The following GRHL3 variants were observed in gnomAD, a reference collection of about 807,000 sequenced individuals.
The protein encoded by GRHL3 is grainyhead like transcription factor 3.
In GRHL3, 20 loss-of-function variants were observed where a neutral mutation model predicts 70.3. The ratio of observed to expected loss-of-function variants is 0.28; its 90% confidence interval spans 0.20 to 0.41. The LOEUF is 0.41. GRHL3 is among the 10% of genes least tolerant of loss of function. GRHL3 has a pLI of 1.00. For synonymous variants in GRHL3, 299 were observed against 299.9 expected (o/e 1.00, Z 0.03); for missense variants, 637 against 762.3 (o/e 0.84, Z 1.94).
Position 24,336,668 on chromosome 1 carries a change from C to T in GRHL3, c.453C>T (p.Gly151=), listed in dbSNP as rs757817057. 1 of 1,614,154 alleles carries T rather than the reference C, an allele frequency of 6.2e-7. No individual in the cohort carries two copies. Among genetic ancestry groups the T allele is most frequent in the Non-Finnish European group, 8.5e-7 (1 of 1,180,012 alleles). The change falls in exon 4 of 16, where the codon GGC becomes GGT. Residue 151 remains glycine, a synonymous_variant. Coordinates refer to ENST00000361548, the MANE Select transcript of GRHL3 (RefSeq NM_198173.3). ...GCAAGGCAGCTCCCCTCCCTGCAGG[C>T]CCCAGCAAGCTGGAGGCCGGCTCTG... ...TPGKAAPLPA[G]PSKLEAGSVD... is the part of the protein sequence containing the mutation.
At chr1:24,325,647 C>T (rs1639361356) in intron 1 of GRHL3, among the ~76,000 whole-genome samples, 1 of 152,188 alleles carries the variant, frequency 6.6e-6, no homozygotes, top group Non-Finnish European at 1.5e-5. Context: ...ATGTTGGAGC[C>T]ATGAAGGCTG....
At chr1:24,329,179 A>G (rs916449281) in intron 1 of GRHL3, among the ~76,000 whole-genome samples, 5 of 151,714 alleles carry the variant, frequency 3.3e-5, no homozygotes, top group African/African-American at 4.8e-5. Flanking sequence ...TGACAGCTCC[A>G]CCTCCCTTCC....
chr1:24,330,069 T>C (rs546490206), intron 1 of GRHL3, among the ~76,000 whole-genome samples: 1 of 152,232 alleles, frequency 6.6e-6, no homozygotes, highest in Non-Finnish European at 1.5e-5. Context: ...TGTGTGTTTT[T>C]AAATTAATTT....
At chr1:24,349,988 G>T (rs1640440252) in intron 14 of GRHL3, 70 bp from the exon 15 acceptor site, 1 of 1,182,714 alleles carries the variant, frequency 8.5e-7, no homozygotes, top group Non-Finnish European at 1.2e-6. Flanking sequence ...TAAAAAAAGT[G>T]ATGGCATAAA....
intron 11 of GRHL3, among the ~76,000 whole-genome samples, chr1:24,343,892 C>T (rs974903680): frequency 3.9e-5 from 6 of 152,224 alleles, no homozygotes; most frequent in Admixed American, 2.6e-4. Flanking sequence ...CTGAGAAGAG[C>T]GGCCAGTGCT....
At chr1:24,324,152 G>A (rs1392845654) in intron 1 of GRHL3, among the ~76,000 whole-genome samples, 1 of 152,156 alleles carries the variant, frequency 6.6e-6, no homozygotes, top group Admixed American at 6.5e-5. Flanking sequence ...AGGAAAATTA[G>A]ACAAGACACC....
At chr1:24,343,063 G>T in intron 11 of GRHL3, 38 bp downstream of exon 11, 1 of 1,613,002 alleles carries the variant, frequency 6.2e-7, no homozygotes. Context: ...GGAGCCGAGA[G>T]AGGGTCCTGG....
rs1640120140 is a variant in GRHL3 at position 24,343,224 on chromosome 1, T to G, written c.1419+199T>G. 5 of 569,226 alleles carry G rather than the reference T, an allele frequency of 8.8e-6. No individual in the cohort carries two copies. The Admixed American group carries it at 9.0e-5, about 10-fold the overall frequency. 35.3% of individuals were successfully genotyped at this position (569,226 alleles called of 1,614,324 possible). On this transcript the variant is annotated intron_variant, in intron 11 of 15. Coordinates refer to ENST00000361548, the MANE Select transcript of GRHL3 (RefSeq NM_198173.3). ...TATTGTATTGAAGAGAAGAATGTTA[T>G]GAAGAAACAGATTTCGTAACCATTA...
At chr1:24,359,447 C>G (rs1006740425), downstream of GRHL3, among the ~76,000 whole-genome samples, 1 of 152,208 alleles carries the variant, frequency 6.6e-6, no homozygotes, top group African/African-American at 2.4e-5. This position sits in a 1 kb window ranked among gnomAD's most constrained non-coding sequence, Gnocchi z 5.3. Flanking sequence ...GAGTTCTCCT[C>G]GACTGACTAG....
At chr1:24,355,895 T>C (rs1345792748), downstream of GRHL3, among the ~76,000 whole-genome samples, 1 of 129,158 alleles carries the variant, frequency 7.7e-6, no homozygotes, top group Non-Finnish European at 1.6e-5. Flanking sequence ...TCTTTTCATT[T>C]ATCTTTTTTT....
intron 15 of GRHL3, among the ~76,000 whole-genome samples, chr1:24,351,449 G>A (rs1469209010): frequency 1.3e-5 from 2 of 152,036 alleles, no homozygotes; most frequent in African/African-American, 4.8e-5. Flanking sequence ...AGAGTTTTTC[G>A]TGTGTCTTTT....
At position 24,342,676 on chromosome 1, in the gene GRHL3, T is replaced by A; in HGVS notation, c.1207-18T>A. 1.2e-6 allele frequency: 2 copies of A among 1,613,054 alleles called. No homozygotes were observed. The highest frequency in any genetic ancestry group is 1.7e-6 in the Non-Finnish European group (2 of 1,179,058). ...CCCTCCCAGGCCCTTGGTGACCCTC[T>A]CTCCTTCTCCCCTGCAGGGAGCTGA... On this transcript the variant is annotated intron_variant, in intron 9 of 15. Transcript: ENST00000361548. This position sits in a 1 kb window ranked among gnomAD's most constrained non-coding sequence, Gnocchi z 4.8.
intron 2 of GRHL3, among the ~76,000 whole-genome samples, chr1:24,333,071 C>A (rs774252512): frequency 6.6e-6 from 1 of 152,248 alleles, no homozygotes; most frequent in Non-Finnish European, 1.5e-5. Flanking sequence ...AATCCAACTC[C>A]TTGTCCCCTT....
chr1:24,352,813 C>T lies in GRHL3; in HGVS notation c.1695-1561C>T, dbSNP rs116509166. Among the ~76,000 whole-genome samples the T allele has an allele frequency of 6.3e-3, 963 of 152,298 alleles. 10 individuals carry two copies. The highest frequency in any genetic ancestry group is 0.022 in the African/African-American group (906 of 41,554). ...AGCCCTCTGTGAAATGAAGGAACTCCAGGCAGGACCCAAGAAAGGGGAGCC... is the reference window on the plus strand; with the variant it reads ...AGCCCTCTGTGAAATGAAGGAACTCTAGGCAGGACCCAAGAAAGGGGAGCC... On this transcript the variant is annotated intron_variant, in intron 15 of 15. Transcript: ENST00000361548.
chr1:24,323,000 AC>A lies in GRHL3; in HGVS notation c.17+3436del. The A allele has an allele frequency of 2.3e-6, 3 of 1,329,286 alleles. No homozygotes were observed. 82.3% of individuals were successfully genotyped at this position (1,329,286 alleles called of 1,614,324 possible). A position where few individuals can be genotyped will look rare whatever the true frequency, so the allele number is the denominator to read the frequency against. On this transcript the variant is annotated intron_variant, in intron 1 of 15. Transcript: ENST00000361548. The surrounding 1 kb of genome is among the most constrained non-coding windows in gnomAD (Gnocchi z 4.4). Reference sequence around the variant, plus strand: ...GGTCTTAGCCGAGCAGCCATAGGCCACCCCGCTTCCTCTGTGCTTAGCCTCT... The same window carrying A: ...GGTCTTAGCCGAGCAGCCATAGGCCACCCGCTTCCTCTGTGCTTAGCCTCT...
chr1:24,335,054 CACACACACAG>C (rs2148654546), intron 3 of GRHL3, among the ~76,000 whole-genome samples: 1 of 145,440 alleles, frequency 6.9e-6, no homozygotes, highest in Admixed American at 6.8e-5. Flanking sequence ...CACACACACA[CACACACACAG>C]ACACACACCC....
At chr1:24,329,743 T>C (rs753839445) in intron 1 of GRHL3, among the ~76,000 whole-genome samples, 14 of 152,228 alleles carry the variant, frequency 9.2e-5, no homozygotes, top group Non-Finnish European at 1.5e-4. Context: ...TGGGAGATTC[T>C]GCCTGGCCCA....
chr1:24,328,825 T>C (rs1377365174), intron 1 of GRHL3, among the ~76,000 whole-genome samples: 2 of 152,196 alleles, frequency 1.3e-5, no homozygotes, highest in Non-Finnish European at 2.9e-5. Flanking sequence ...ATGATATTAT[T>C]TGGTGGGTGC....
At position 24,334,612 on chromosome 1, in the gene GRHL3, C is replaced by T. The variant is rs1639726140; in HGVS notation, c.205-33C>T. 10 of 1,576,304 alleles carry T rather than the reference C, an allele frequency of 6.3e-6. No homozygotes were observed. Among genetic ancestry groups the T allele is most frequent in the African/African-American group, 1.3e-5 (1 of 74,100 alleles). Reference sequence around the variant, plus strand: ...GAGGCTCCTACCAGCAGAAGCTTAGCCATGCATAAATCCTTCCTTTCTCTC... The same window carrying T: ...GAGGCTCCTACCAGCAGAAGCTTAGTCATGCATAAATCCTTCCTTTCTCTC... On this transcript the variant is annotated intron_variant, in intron 2 of 15. Coordinates refer to ENST00000361548, the MANE Select transcript of GRHL3 (RefSeq NM_198173.3). The surrounding 1 kb of genome is among the most constrained non-coding windows in gnomAD (Gnocchi z 4.3).
Sources: gnomAD v4.1 joint callset for allele counts (sites outside exome capture counted in the v4.1 genomes callset) on GRCh38, gnomAD v4.1.1 for gene constraint, Gnocchi (gnomAD v3.1) non-coding constraint, MANE v1.5 for transcripts, NCBI Gene and HGNC (gene_info 2026-07-23, HGNC 2026-07-21) for gene names.